CHM: variants seen among roughly 807,000 people sequenced by gnomAD.
The protein encoded by CHM is rab proteins geranylgeranyltransferase component A 1.
A neutral mutation model predicts 49.0 loss-of-function variants in CHM; 10 were observed. That is an observed-to-expected ratio of 0.20 (90% CI 0.13 to 0.35). CHM has a LOEUF of 0.35. CHM is among the 10% of genes least tolerant of loss of function. The pLI is 1.00. For missense variants in CHM, 455 were observed against 478.4 expected (o/e 0.95, Z 0.46); for synonymous variants, 184 against 167.5 (o/e 1.10, Z -0.76).
chrX:85,959,656 A>T (rs1215534883), intron 5 of CHM, among the ~76,000 whole-genome samples: 1 of 111,966 alleles, frequency 8.9e-6, no homozygotes, highest in Non-Finnish European at 1.9e-5. Flanking sequence ...GGAGAAATTG[A>T]TTTAATCTTT....
intron 8 of CHM, among the ~76,000 whole-genome samples, chrX:85,913,620 A>C (rs1927264210): frequency 9.0e-6 from 1 of 110,621 alleles, no homozygotes; most frequent in South Asian, 3.9e-4. Context: ...ACCAGTTTTA[A>C]ACTTCTGACC....
At chrX:85,922,405 ATGCTGTATTT>A (rs1482415767) in intron 8 of CHM, among the ~76,000 whole-genome samples, 1 of 111,842 alleles carries the variant, frequency 8.9e-6, no homozygotes, top group East Asian at 2.8e-4. Context: ...TCAGAAGTAA[ATGCTGTATTT>A]TGCTGTAGTG....
At chrX:85,994,289 T>C (rs1468703035) in intron 2 of CHM, among the ~76,000 whole-genome samples, 1 of 111,879 alleles carries the variant, frequency 8.9e-6, no homozygotes, top group Non-Finnish European at 1.9e-5. Context: ...ATCAACAGCA[T>C]CATCACCATC....
In CHM at chrX:85,895,225, T is replaced by C. The variant is rs766366061; in HGVS notation, c.1414-941A>G. 4.2e-3 allele frequency among the ~76,000 whole-genome samples: 420 copies of C among 100,460 alleles called. 5 individuals are homozygous for C. Among genetic ancestry groups the C allele is most frequent in the African/African-American group, 0.015 (410 of 27,272 alleles). The allele number at this position is 100,460 out of a possible 115,157, so 87.2% of individuals were successfully genotyped here. ...ATCTCAGCTCACTGCAACCCCCGCC[T>C]CCTGGGTTCAAGTGATTCTCATGCC... is the stretch of plus-strand genomic sequence containing the variant. On this transcript the variant is annotated intron_variant, in intron 11 of 14. Coordinates refer to ENST00000357749, the MANE Select transcript of CHM (RefSeq NM_000390.4).
At chrX:85,875,894 C>T (rs1924385797) in intron 13 of CHM, among the ~76,000 whole-genome samples, 1 of 111,526 alleles carries the variant, frequency 9.0e-6, no homozygotes, top group South Asian at 3.7e-4. Flanking sequence ...GATTTCTATA[C>T]ACTAATAACA....
chrX:85,943,815 T>C (rs921427591), intron 8 of CHM, among the ~76,000 whole-genome samples: 1 of 112,079 alleles, frequency 8.9e-6, no homozygotes, highest in African/African-American at 3.2e-5. Context: ...AGCCTTTTTA[T>C]CTTAACTTTG....
At chrX:86,008,018 C>T in intron 2 of CHM, among the ~76,000 whole-genome samples, 1 of 111,971 alleles carries the variant, frequency 8.9e-6, no homozygotes, top group Non-Finnish European at 1.9e-5. Context: ...AAATGTCCAA[C>T]AATGACAGAC....
chrX:85,920,589 T>G (rs767043753), intron 8 of CHM, among the ~76,000 whole-genome samples: 14 of 112,443 alleles, frequency 1.2e-4, no homozygotes, highest in Non-Finnish European at 2.4e-4. Flanking sequence ...TAATCACAAC[T>G]AGCATTGAGT....
intron 8 of CHM, among the ~76,000 whole-genome samples, chrX:85,912,323 G>A (rs1462419097): frequency 9.0e-6 from 1 of 111,295 alleles, no homozygotes; most frequent in African/African-American, 3.3e-5. Context: ...ACATGAGATT[G>A]CCACAGATAG....
chrX:85,991,244 T>C (rs1346790478), intron 2 of CHM, among the ~76,000 whole-genome samples: 1 of 112,021 alleles, frequency 8.9e-6, no homozygotes, highest in East Asian at 2.8e-4. Context: ...GTGAGGCAGA[T>C]AGAAAGGGTG....
chrX:85,981,206 C>CTATTTCTATATATATATATATATA (rs1555958595), intron 3 of CHM, among the ~76,000 whole-genome samples: 25 of 54,353 alleles, frequency 4.6e-4, no homozygotes, highest in Non-Finnish European at 7.1e-4. Context: ...ATTTCTATTT[C>CTATTTCTATATATATATATATATA]TATATATATA....
Position 85,930,485 on chromosome X carries a change from C to T in CHM, c.1167-19147G>A, listed in dbSNP as rs183604961. On this transcript the variant is annotated intron_variant, in intron 8 of 14. Coordinates refer to ENST00000357749, the MANE Select transcript of CHM (RefSeq NM_000390.4). ...AGTTTTGTTTTTAAAAAACCTCTGACGTAGAAAAGGCTGATTTTATTGAAA... is the reference window on the plus strand; with the variant it reads ...AGTTTTGTTTTTAAAAAACCTCTGATGTAGAAAAGGCTGATTTTATTGAAA... Among the ~76,000 whole-genome samples the T allele has an allele frequency of 7.1e-5, 8 of 112,181 alleles. No homozygotes were observed. The East Asian group carries it at 1.7e-3, about 23-fold the overall frequency.
chrX:85,992,632 C>T (rs146254550), intron 2 of CHM, among the ~76,000 whole-genome samples: 194 of 111,987 alleles, frequency 1.7e-3, no homozygotes, highest in African/African-American at 6.0e-3. Context: ...CTCCTCATTC[C>T]AAGACCAAGG....
At chrX:85,914,039 G>A (rs763477096) in intron 8 of CHM, among the ~76,000 whole-genome samples, 1 of 111,624 alleles carries the variant, frequency 9.0e-6, no homozygotes, top group East Asian at 2.8e-4. Context: ...GAAGGGGTGA[G>A]TGAAATAGGC....
At chrX:86,003,445 G>A (rs1056486778) in intron 2 of CHM, among the ~76,000 whole-genome samples, 5 of 111,896 alleles carry the variant, frequency 4.5e-5, no homozygotes, top group Non-Finnish European at 7.5e-5. Flanking sequence ...TCAGAAGGTC[G>A]GTAATAACAA....
At chrX:85,995,705 A>G (rs1603273818) in intron 2 of CHM, among the ~76,000 whole-genome samples, 1 of 112,288 alleles carries the variant, frequency 8.9e-6, no homozygotes, top group East Asian at 2.8e-4. Flanking sequence ...ATGTTAAAAC[A>G]CTTGTAAAAT....
rs1306498633 is a variant in CHM at position 85,956,391 on chromosome X, G to A, written c.941-13C>T. On this transcript the variant is annotated splice_polypyrimidine_tract_variant and intron_variant, in intron 7 of 14. Coordinates refer to ENST00000357749, the MANE Select transcript of CHM (RefSeq NM_000390.4). Reference sequence around the variant, plus strand: ...ATCTCTTCATATCCTATGAAAAGATGAAATTTTATCACTTAAAATCAGAAC... The same window carrying A: ...ATCTCTTCATATCCTATGAAAAGATAAAATTTTATCACTTAAAATCAGAAC... 1 of 1,199,195 alleles carries A rather than the reference G, an allele frequency of 8.3e-7. No homozygotes were observed. Among genetic ancestry groups the A allele is most frequent in the African/African-American group, 1.7e-5 (1 of 57,334 alleles).
At chrX:86,006,827 A>G (rs1932866909) in intron 2 of CHM, among the ~76,000 whole-genome samples, 1 of 112,002 alleles carries the variant, frequency 8.9e-6, no homozygotes, top group Admixed American at 9.5e-5. Context: ...AAAAATGGCC[A>G]TACTGCCCAA....
chrX:85,996,481 G>A (rs1301365246), intron 2 of CHM, among the ~76,000 whole-genome samples: 6 of 111,667 alleles, frequency 5.4e-5, no homozygotes, highest in Non-Finnish European at 1.1e-4. Flanking sequence ...AAGGATTACG[G>A]AGGAAAATAA....
Sources: gnomAD v4.1 joint callset for allele counts (sites outside exome capture counted in the v4.1 genomes callset) on GRCh38, gnomAD v4.1.1 for gene constraint, MANE v1.5 for transcripts, NCBI Gene and HGNC (gene_info 2026-07-23, HGNC 2026-07-21) for gene names.